Variants in XKR6 observed in about 807,000 individuals in gnomAD.
XKR6 encodes the protein XK-related protein 6.
In XKR6, 22 loss-of-function variants were observed where a neutral mutation model predicts 56.7. The observed-to-expected ratio is 0.39, with a 90% confidence interval of 0.28 to 0.55. The LOEUF is 0.55. XKR6 is among the 20% of genes least tolerant of loss of function. The pLI is 0.66. For synonymous variants in XKR6, 524 were observed against 387.8 expected (o/e 1.35, Z -4.13); for missense variants, 852 against 889.0 (o/e 0.96, Z 0.53).
At chr8:10,925,929 C>T (rs1800868590) in intron 1 of XKR6, among the ~76,000 whole-genome samples, 1 of 152,136 alleles carries the variant, frequency 6.6e-6, no homozygotes, top group Non-Finnish European at 1.5e-5. Flanking sequence ...GGACAGGGCT[C>T]ACCCAGAAGC....
chr8:11,185,649 A>G (rs1379977488), intron 1 of XKR6, among the ~76,000 whole-genome samples: 1 of 152,218 alleles, frequency 6.6e-6, no homozygotes, highest in Non-Finnish European at 1.5e-5. Flanking sequence ...TGATTTTGAA[A>G]GAGTACATTA....
chr8:11,168,044 A>T (rs571763396), intron 1 of XKR6, among the ~76,000 whole-genome samples: 2 of 152,264 alleles, frequency 1.3e-5, no homozygotes, highest in African/African-American at 4.8e-5. Flanking sequence ...AGATACATAA[A>T]ACCAAAAACA....
rs1443058805 is a variant in XKR6 at position 11,201,353 on chromosome 8, C to G, written c.-14G>C. On this transcript the variant is annotated 5_prime_UTR_variant, in exon 1 of 3. Coordinates refer to ENST00000416569, the MANE Select transcript of XKR6 (RefSeq NM_173683.4). ...TTTCGCCGCCATCTTGACTCTCTTC[C>G]CAGCTCCGGAGGTTGGGGGGGAGGG... is the stretch of plus-strand genomic sequence containing the variant. The G allele has an allele frequency of 2.0e-6, 3 of 1,519,964 alleles. No individual in the cohort carries two copies. Among genetic ancestry groups the G allele is most frequent in the Non-Finnish European group, 2.6e-6 (3 of 1,145,494 alleles). 94.2% of individuals were successfully genotyped at this position (1,519,964 alleles called of 1,614,324 possible).
intron 2 of XKR6, among the ~76,000 whole-genome samples, chr8:10,923,131 A>G (rs957919103): frequency 6.6e-6 from 1 of 152,246 alleles, no homozygotes; most frequent in Non-Finnish European, 1.5e-5. Context: ...GGGTGCCCAG[A>G]AAACAGAGGT....
Position 10,924,094 on chromosome 8 carries a change from C to T in XKR6, c.961+540G>A, listed in dbSNP as rs145623612. Among the ~76,000 whole-genome samples, 54 of 152,326 alleles carry T rather than the reference C, an allele frequency of 3.5e-4. No homozygotes were observed. The South Asian group carries it at 5.0e-3, about 14-fold the overall frequency. On this transcript the variant is annotated intron_variant, in intron 2 of 2. Transcript: ENST00000416569. ...TCACCCCATGTGTTGTTGCTTCCAG[C>T]CCCTCCTCCTCCTGGGCCCTCTCCC... is the stretch of plus-strand genomic sequence containing the variant.
At chr8:10,970,549 G>A (rs1391840926) in intron 1 of XKR6, among the ~76,000 whole-genome samples, 1 of 152,058 alleles carries the variant, frequency 6.6e-6, no homozygotes, top group Non-Finnish European at 1.5e-5. Flanking sequence ...GCCTCATTGA[G>A]ATGTCTGATC....
chr8:10,996,767 C>T (rs1408921063), intron 1 of XKR6, among the ~76,000 whole-genome samples: 1 of 152,072 alleles, frequency 6.6e-6, no homozygotes, highest in Non-Finnish European at 1.5e-5. Context: ...AATCCTAGCA[C>T]TTTGAGGGGC....
intron 2 of XKR6, among the ~76,000 whole-genome samples, chr8:10,919,084 CT>C (rs1229463852): frequency 6.6e-6 from 1 of 152,192 alleles, no homozygotes; most frequent in Non-Finnish European, 1.5e-5. Context: ...GTCCCCTATG[CT>C]TTTCCCAATT....
intron 1 of XKR6, among the ~76,000 whole-genome samples, chr8:10,972,452 C>T (rs371909816): frequency 1.4e-4 from 21 of 152,174 alleles, no homozygotes; most frequent in African/African-American, 5.1e-4. Flanking sequence ...AAGCCAGGAA[C>T]GAACAAGCTT....
At position 11,143,343 on chromosome 8, in the gene XKR6, T is replaced by TA. The variant is rs1185366363; in HGVS notation, c.764+57232dup. Among the ~76,000 whole-genome samples the TA allele has an allele frequency of 2.0e-5, 3 of 152,224 alleles. No homozygotes were observed. The East Asian group carries it at 5.8e-4, about 29-fold the overall frequency. ...ACATGGCAAGACCAAGTCCCTTCTT[T>TA]AAAACACACAAAAAAGAAAAACACA... On this transcript the variant is annotated intron_variant, in intron 1 of 2. Transcript: ENST00000416569.
chr8:10,970,085 C>G (rs1039534922), intron 1 of XKR6, among the ~76,000 whole-genome samples: 5 of 152,234 alleles, frequency 3.3e-5, no homozygotes, highest in African/African-American at 1.2e-4. Context: ...GCTGTCACCT[C>G]TCGCAGGAGT....
At chr8:10,943,084 C>T (rs1801433519) in intron 1 of XKR6, among the ~76,000 whole-genome samples, 1 of 152,218 alleles carries the variant, frequency 6.6e-6, no homozygotes, top group Non-Finnish European at 1.5e-5. Flanking sequence ...GCTCTTCTAC[C>T]TGCCTGCCAT....
intron 1 of XKR6, chr8:11,062,620 A>G (rs900618165): frequency 2.6e-6 from 1 of 388,112 alleles, no homozygotes; most frequent in Non-Finnish European, 5.1e-6. Flanking sequence ...CAATTTATCT[A>G]GATCTTTTAA....
chr8:11,053,201 C>T (rs1799599350), intron 1 of XKR6, among the ~76,000 whole-genome samples: 2 of 152,208 alleles, frequency 1.3e-5, no homozygotes, highest in Non-Finnish European at 2.9e-5. Flanking sequence ...GGAATCACTT[C>T]CTCATCCAGG....
At chr8:10,982,172 C>A (rs1166370993) in intron 1 of XKR6, among the ~76,000 whole-genome samples, 1 of 152,152 alleles carries the variant, frequency 6.6e-6, no homozygotes, top group Non-Finnish European at 1.5e-5. Flanking sequence ...GTTTCAAAGG[C>A]AAATGGTAGG....
rs551894755 is a variant in XKR6, at chr8:10,951,370, T to C, written c.765-26540A>G. On this transcript the variant is annotated intron_variant, in intron 1 of 2. Coordinates refer to ENST00000416569, the MANE Select transcript of XKR6 (RefSeq NM_173683.4). Reference sequence around the variant, plus strand: ...ATGGGACAAGGTGCTGAGCGACGCATGGGTAACAGCCAGGCTGCAGCTCAG... The same window carrying C: ...ATGGGACAAGGTGCTGAGCGACGCACGGGTAACAGCCAGGCTGCAGCTCAG... Among the ~76,000 whole-genome samples the C allele has an allele frequency of 2.0e-5, 3 of 148,924 alleles. No individual in the cohort carries two copies. In the South Asian group the frequency reaches 6.4e-4, roughly 32 times the overall value.
At position 10,896,107 on chromosome 8, in the gene XKR6, T is replaced by C. The variant is rs1280012578; in HGVS notation, c.*1845A>G. 1 of 136,860 alleles carries C rather than the reference T, an allele frequency of 7.3e-6. No individual in the cohort carries two copies. Among genetic ancestry groups the C allele is most frequent in the East Asian group, 2.2e-4 (1 of 4,582 alleles). 8.5% of individuals were successfully genotyped at this position (136,860 alleles called of 1,614,324 possible). ...TTTATATATATATATATATATATACTTATTATATATCTTTTTTGTGATTTT... is the reference window on the plus strand; with the variant it reads ...TTTATATATATATATATATATATACCTATTATATATCTTTTTTGTGATTTT... On this transcript the variant is annotated 3_prime_UTR_variant, in exon 3 of 3. Transcript: ENST00000416569.
chr8:10,980,918 C>T (rs1370008257), intron 1 of XKR6, among the ~76,000 whole-genome samples: 2 of 152,020 alleles, frequency 1.3e-5, no homozygotes, highest in African/African-American at 4.8e-5. Flanking sequence ...GGGCTGCAGG[C>T]TGGAGGGATT....
At chr8:11,111,613 A>G (rs1798897038) in intron 1 of XKR6, 2 of 152,222 alleles carry the variant, frequency 1.3e-5, no homozygotes, top group African/African-American at 2.4e-5. Context: ...ACTTCCTGGG[A>G]AAAATGAGGT....
Sources: gnomAD v4.1 joint callset for allele counts (sites outside exome capture counted in the v4.1 genomes callset) on GRCh38, gnomAD v4.1.1 for gene constraint, MANE v1.5 for transcripts, NCBI Gene and HGNC (gene_info 2026-07-23, HGNC 2026-07-21) for gene names.